FER: variants seen among roughly 807,000 people sequenced by gnomAD.
FER encodes FER tyrosine kinase.
In FER, 63 loss-of-function variants were observed where a neutral mutation model predicts 111.0. The observed-to-expected ratio is 0.57, with a 90% confidence interval of 0.46 to 0.70. The LOEUF is 0.70. FER is among the 30% of genes least tolerant of loss of function. The pLI, the probability that FER is intolerant of heterozygous loss-of-function variation, is 0.00. For synonymous variants in FER, 327 were observed against 313.9 expected, an observed-to-expected ratio of 1.04 and a Z score of -0.44; for missense variants, 914 against 954.0, an observed-to-expected ratio of 0.96 and a Z score of 0.55.
intron 2 of FER, among the ~76,000 whole-genome samples, chr5:108,770,427 A>G (rs928625392): frequency 6.6e-6 from 1 of 152,154 alleles, no homozygotes; most frequent in African/African-American, 2.4e-5. Context: ...CAGACTGTTA[A>G]TTCAAAGTTC....
At chr5:109,100,689 A>G (rs960888853) in intron 17 of FER, among the ~76,000 whole-genome samples, 170 bp downstream of exon 17, 5 of 151,644 alleles carry the variant, frequency 3.3e-5, no homozygotes, top group African/African-American at 9.7e-5. Context: ...TTATACAAAC[A>G]CTCCTTTTTC....
intron 3 of FER, among the ~76,000 whole-genome samples, chr5:108,799,806 G>T (rs562870689): frequency 2.0e-5 from 3 of 150,958 alleles, no homozygotes; most frequent in Admixed American, 6.6e-5. Flanking sequence ...GAGTCCAAAG[G>T]CTTTCTGCTT....
intron 13 of FER, among the ~76,000 whole-genome samples, chr5:108,962,331 G>T (rs1206968388): frequency 6.6e-6 from 1 of 152,156 alleles, no homozygotes; most frequent in Non-Finnish European, 1.5e-5. Context: ...ACATGTATAT[G>T]ACCTGTTCTT....
intron 13 of FER, among the ~76,000 whole-genome samples, chr5:109,000,158 A>T (rs1162646911): frequency 2.6e-5 from 4 of 151,740 alleles, no homozygotes; most frequent in Admixed American, 2.6e-4. Context: ...ATATATATAT[A>T]AGTTTATTTG....
At chr5:109,110,292 G>A (rs1382826546) in intron 17 of FER, among the ~76,000 whole-genome samples, 3 of 152,082 alleles carry the variant, frequency 2.0e-5, no homozygotes, top group Non-Finnish European at 4.4e-5. Flanking sequence ...TGATATAGAG[G>A]ATAATAGGAC....
intron 13 of FER, among the ~76,000 whole-genome samples, chr5:109,012,929 A>G (rs1766489941): frequency 6.6e-6 from 1 of 152,188 alleles, no homozygotes; most frequent in Non-Finnish European, 1.5e-5. Context: ...ATTGGAAGTA[A>G]AGATTCTCAT....
intron 3 of FER, among the ~76,000 whole-genome samples, chr5:108,826,477 T>C (rs1030767133): frequency 1.3e-5 from 2 of 152,204 alleles, no homozygotes; most frequent in Non-Finnish European, 1.5e-5. Context: ...GATCTTGAAC[T>C]CCTGGGCTGA....
At chr5:109,131,901 C>T (rs899232845) in intron 17 of FER, among the ~76,000 whole-genome samples, 1 of 152,118 alleles carries the variant, frequency 6.6e-6, no homozygotes, top group African/African-American at 2.4e-5. Context: ...TAAATTAAAA[C>T]CGCTTTGCTG....
At position 109,000,773 on chromosome 5, in the gene FER, G is replaced by A. The variant is rs1764662763; in HGVS notation, c.1657-36649G>A. ...GACCGCTAGCAAGACTAATAAAGAA[G>A]AAAAGAGAGAGGAATCAAATAGACA... On this transcript the variant is annotated intron_variant, in intron 13 of 19. Coordinates refer to ENST00000281092, the MANE Select transcript of FER (RefSeq NM_005246.4). Among the ~76,000 whole-genome samples, 5 of 151,598 alleles carry A rather than the reference G, an allele frequency of 3.3e-5. No individual in the cohort carries two copies. The South Asian group carries it at 1.0e-3, about 32-fold the overall frequency.
intron 10 of FER, among the ~76,000 whole-genome samples, chr5:108,912,988 G>C (rs994383259): frequency 2.0e-5 from 3 of 152,008 alleles, no homozygotes; most frequent in Non-Finnish European, 4.4e-5. Context: ...TGAGGCCTTG[G>C]GTATAAGAAT....
intron 17 of FER, 71 bp from the exon 18 acceptor site, chr5:109,180,676 G>A (rs1758199134): frequency 6.7e-7 from 1 of 1,495,190 alleles, no homozygotes; most frequent in South Asian, 1.3e-5. Context: ...TGCAAAGTGT[G>A]GAAATCATAA....
intron 2 of FER, among the ~76,000 whole-genome samples, chr5:108,782,401 T>C (rs1309962655): frequency 6.6e-6 from 1 of 152,118 alleles, no homozygotes; most frequent in Admixed American, 6.5e-5. Flanking sequence ...GTTTCTTACA[T>C]GCCCAGTAGA....
intron 13 of FER, among the ~76,000 whole-genome samples, chr5:108,990,374 A>G (rs932894599): frequency 5.3e-5 from 8 of 151,940 alleles, no homozygotes; most frequent in African/African-American, 1.9e-4. Flanking sequence ...AAAATATTGT[A>G]TATTACATAT....
intron 10 of FER, among the ~76,000 whole-genome samples, chr5:108,919,906 T>C (rs956191156): frequency 2.0e-5 from 3 of 152,122 alleles, no homozygotes; most frequent in African/African-American, 7.2e-5. Flanking sequence ...TGGTTAAAAG[T>C]GGCAAGTCAT....
At chr5:108,920,501 G>C (rs1440001455) in intron 10 of FER, among the ~76,000 whole-genome samples, 1 of 149,256 alleles carries the variant, frequency 6.7e-6, no homozygotes, top group African/African-American at 2.5e-5. Context: ...CCTCAAATCT[G>C]CCATTCCCAC....
chr5:109,098,767 T>A (rs1478048819), intron 16 of FER, among the ~76,000 whole-genome samples: 1 of 151,678 alleles, frequency 6.6e-6, no homozygotes, highest in Non-Finnish European at 1.5e-5. Context: ...TTAATATATT[T>A]GGTATTCTCT....
At chr5:109,186,853 A>G (rs989574911) in intron 19 of FER, among the ~76,000 whole-genome samples, 1 of 152,200 alleles carries the variant, frequency 6.6e-6, no homozygotes, top group Non-Finnish European at 1.5e-5. Context: ...ACTGTGCCCT[A>G]ATGTCTGGTC....
chr5:109,110,157 C>CTGGCTA (rs1337140392), intron 17 of FER, among the ~76,000 whole-genome samples: 1 of 152,122 alleles, frequency 6.6e-6, no homozygotes, highest in African/African-American at 2.4e-5. Flanking sequence ...TCAAGATTCT[C>CTGGCTA]TGGCTACAGT....
intron 3 of FER, among the ~76,000 whole-genome samples, chr5:108,810,510 T>C (rs1354461315): frequency 6.6e-6 from 1 of 152,168 alleles, no homozygotes. Context: ...GTCCACCAAG[T>C]GCTCAGAGGT....
Sources: allele counts gnomAD v4.1 joint callset (sites outside exome capture counted in the v4.1 genomes callset), GRCh38; gene constraint gnomAD v4.1.1; transcripts MANE v1.5; gene names NCBI Gene and HGNC (gene_info 2026-07-23, HGNC 2026-07-21).